KCNT1: variants seen among roughly 807,000 people sequenced by gnomAD.
KCNT1 encodes potassium sodium-activated channel subfamily T member 1.
KCNT1 carries 78 observed loss-of-function variants against 147.8 expected under a neutral mutation model. That is an observed-to-expected ratio of 0.53 (90% CI 0.44 to 0.64). The LOEUF is 0.64. KCNT1 is among the 30% of genes least tolerant of loss of function. The pLI, the probability that KCNT1 is intolerant of heterozygous loss-of-function variation, is 0.00. For synonymous variants in KCNT1, 867 were observed against 748.8 expected, an observed-to-expected ratio of 1.16 and a Z score of -2.58; for missense variants, 1,419 against 1,750.3, an observed-to-expected ratio of 0.81 and a Z score of 3.38.
chr9:135,747,161 C>T (rs1047917317), intron 2 of KCNT1, among the ~76,000 whole-genome samples: 2 of 152,072 alleles, frequency 1.3e-5, no homozygotes, highest in Non-Finnish European at 2.9e-5. Context: ...GGGAGAACAA[C>T]AGAGCTCGGG....
Position 135,770,166 on chromosome 9 carries a change from G to A in KCNT1, c.1619+111G>A, listed in dbSNP as rs1375245046. ...GGGCTTCCCAGAGGAGGGGCACATGGCGGGCAAAAGTCCTGCATAGGGAGG... is the reference window on the plus strand; with the variant it reads ...GGGCTTCCCAGAGGAGGGGCACATGACGGGCAAAAGTCCTGCATAGGGAGG... On this transcript the variant is annotated intron_variant, in intron 16 of 30. Transcript: ENST00000371757. The A allele has an allele frequency of 4.4e-6, 6 of 1,378,740 alleles. No individual in the cohort carries two copies. In the African/African-American group the frequency reaches 7.1e-5, roughly 16 times the overall value. The allele number at this position is 1,378,740 out of a possible 1,614,324, so 85.4% of individuals were successfully genotyped here.
rs1164098222 is a variant in KCNT1 at position 135,731,963 on chromosome 9, T to G, written c.254+17243T>G. Among the ~76,000 whole-genome samples the G allele has an allele frequency of 1.5e-3, 23 of 15,266 alleles. 1 individual carries two copies. The highest frequency in any genetic ancestry group is 5.4e-3 in the African/African-American group (22 of 4,092). The allele number at this position is 15,266 out of a possible 152,430, so 10.0% of individuals were successfully genotyped here. A position where few individuals can be genotyped will look rare whatever the true frequency, so the allele number is the denominator to read the frequency against. ...TAAATACTTTTCAAATATGCGTGTA[T>G]ATATATATATATATATATATATATA... On this transcript the variant is annotated intron_variant, in intron 2 of 30. Transcript: ENST00000371757.
At position 135,750,958 on chromosome 9, in the gene KCNT1, G is replaced by A; in HGVS notation, c.351G>A (p.Leu117=). The stretch of plus-strand genomic sequence containing the variant: ...TCCCCGCAGGCCTGAGGATCCGGCT[G>A]TTCAACTTCTCCCTGAAGCTGCTCA... ...KNQRSSLRIR[L]FNFSLKLLTC... is the part of the protein sequence containing the mutation. The change falls in exon 4 of 31, where the codon CTG becomes CTA. Residue 117 remains leucine (L), a synonymous_variant. Coordinates refer to ENST00000371757, the MANE Select transcript of KCNT1 (RefSeq NM_020822.3). The A allele has an allele frequency of 6.2e-7, 1 of 1,613,234 alleles. No homozygotes were observed. The highest frequency in any genetic ancestry group is 2.2e-5 in the East Asian group (1 of 44,870).
At chr9:135,768,352 G>GGC in intron 13 of KCNT1, 1 of 223,016 alleles carries the variant, frequency 4.5e-6, no homozygotes. Flanking sequence ...GTTGGGGGGG[G>GGC]GGGGGGCAGT....
chr9:135,712,016 G>A (rs1396572277), intron 1 of KCNT1, among the ~76,000 whole-genome samples: 2 of 152,206 alleles, frequency 1.3e-5, no homozygotes, highest in South Asian at 2.1e-4. Context: ...GCCGGGGGCC[G>A]CCCAGCAGGA....
chr9:135,755,095 C>A, intron 5 of KCNT1, 26 bp from the exon 6 acceptor site: 1 of 1,597,480 alleles, frequency 6.3e-7, no homozygotes, highest in Non-Finnish European at 8.5e-7. Context: ...TGGTGCCCTA[C>A]TGTGCTGCCT....
chr9:135,770,757 A>C, intron 17 of KCNT1, 100 bp from the exon 18 acceptor site: 1 of 1,172,596 alleles, frequency 8.5e-7, no homozygotes, highest in Non-Finnish European at 1.2e-6. Flanking sequence ...GAAGACGCGG[A>C]GCTCCGGTGG....
In KCNT1 at chr9:135,770,851, G is replaced by A. The variant is rs894702813; in HGVS notation, c.1770-6G>A. The A allele has an allele frequency of 6.4e-7, 1 of 1,561,762 alleles. No homozygotes were observed. ...GGTACCTGAAGTTGCCGGTGCCTCT[G>A]CCCAGGTATGGCGTGTGCCTCATCG... On this transcript the variant is annotated splice_region_variant and splice_polypyrimidine_tract_variant and intron_variant, in intron 17 of 30. Transcript: ENST00000371757.
intron 2 of KCNT1, among the ~76,000 whole-genome samples, chr9:135,731,262 T>C (rs547537940): frequency 3.7e-4 from 57 of 152,310 alleles, no homozygotes; most frequent in African/African-American, 1.3e-3. Context: ...TCTCTGGGGA[T>C]GGGTCTTTCA....
chr9:135,702,201 A>C lies in KCNT1; in HGVS notation c.-58A>C, dbSNP rs1835059759. The stretch of plus-strand genomic sequence containing the variant: ...ATGTTTTTCAGGGCAACGCGAGGGA[A>C]GAAGGTGGCGGCTCCCACTCGCTTC... On this transcript the variant is annotated 5_prime_UTR_variant, in exon 1 of 31. Transcript: ENST00000371757. The C allele has an allele frequency of 3.2e-6, 4 of 1,237,036 alleles. No homozygotes were observed. The highest frequency in any genetic ancestry group is 1.5e-5 in the African/African-American group (1 of 65,636). The allele number at this position is 1,237,036 out of a possible 1,614,324, so 76.6% of individuals were successfully genotyped here. A position where few individuals can be genotyped will look rare whatever the true frequency, so the allele number is the denominator to read the frequency against.
At chr9:135,758,959 C>T (rs925152608) in intron 10 of KCNT1, among the ~76,000 whole-genome samples, 3 of 152,232 alleles carry the variant, frequency 2.0e-5, no homozygotes, top group African/African-American at 4.8e-5. Context: ...CTCCATGTTG[C>T]TGCTCTGCCT....
chr9:135,765,892 G>T lies in KCNT1; in HGVS notation c.1337+132G>T. ...TGAGAGCATTATAGACTATCCCCAG[G>T]GTGGACCATCTAGGTGGACTGTCCA... is the stretch of plus-strand genomic sequence containing the variant. On this transcript the variant is annotated intron_variant, in intron 13 of 30. Transcript: ENST00000371757. The T allele has an allele frequency of 1.1e-5, 10 of 886,128 alleles. No homozygotes were observed. The South Asian group carries it at 1.8e-4, about 16-fold the overall frequency. The allele number at this position is 886,128 out of a possible 1,614,324, so 54.9% of individuals were successfully genotyped here.
chr9:135,768,735 C>T, intron 14 of KCNT1, 62 bp downstream of exon 14: 1 of 1,535,404 alleles, frequency 6.5e-7, no homozygotes, highest in Non-Finnish European at 8.8e-7. Flanking sequence ...GAGCGGGGGT[C>T]CCTGAGGGAA....
intron 4 of KCNT1, 71 bp downstream of exon 4, chr9:135,751,112 G>C (rs1831138975): frequency 7.2e-7 from 1 of 1,393,374 alleles, no homozygotes; most frequent in South Asian, 1.2e-5. Context: ...GGCCGTTACA[G>C]AAGCTGATGG....
chr9:135,791,738 G>A, intron 29 of KCNT1, 59 bp from the exon 30 acceptor site: 1 of 1,456,866 alleles, frequency 6.9e-7, no homozygotes, highest in Non-Finnish European at 9.6e-7. Flanking sequence ...CTGGGCCCCT[G>A]CAGAGCTGGG....
intron 4 of KCNT1, chr9:135,753,730 G>C: frequency 1.6e-6 from 1 of 606,466 alleles, no homozygotes; most frequent in Non-Finnish European, 3.0e-6. Context: ...TCCTCAGTTA[G>C]AGGCCCTCCT....
Position 135,785,341 on chromosome 9 carries a change from CCTCCGTGCCCACGCAGCTTCTGCGGAG to C in KCNT1, c.3177+13_3177+39del. 2 of 1,613,004 alleles carry C rather than the reference CCTCCGTGCCCACGCAGCTTCTGCGGAG, an allele frequency of 1.2e-6. No individual in the cohort carries two copies. The highest frequency in any genetic ancestry group is 1.7e-6 in the Non-Finnish European group (2 of 1,179,934). On this transcript the variant is annotated intron_variant, in intron 28 of 30. Coordinates refer to ENST00000371757, the MANE Select transcript of KCNT1 (RefSeq NM_020822.3). ...GACCTCAGAGCCCAGGTAAGCAACC[CCTCCGTGCCCACGCAGCTTCTGCGGAG>C]CACCAGAACATCGCAGCTTCACATG...
chr9:135,748,162 G>A (rs568891084), intron 2 of KCNT1, among the ~76,000 whole-genome samples: 23 of 152,194 alleles, frequency 1.5e-4, no homozygotes, highest in East Asian at 9.7e-4. Context: ...TCAAACTCCC[G>A]GCCTCAAGCG....
At chr9:135,791,999 C>T (rs1834573569) in intron 30 of KCNT1, 42 bp from the exon 31 acceptor site, 2 of 1,602,668 alleles carry the variant, frequency 1.2e-6, no homozygotes, top group Admixed American at 3.3e-5. Flanking sequence ...CAGGGGCTGC[C>T]CGGCCCACAT....
Sources: allele counts gnomAD v4.1 joint callset (sites outside exome capture counted in the v4.1 genomes callset), GRCh38; gene constraint gnomAD v4.1.1; transcripts MANE v1.5; gene names NCBI Gene and HGNC (gene_info 2026-07-23, HGNC 2026-07-21).